The following KHSRP variants were observed in gnomAD, a reference collection of about 807,000 sequenced individuals.
KHSRP encodes far upstream element-binding protein 2.
Under a neutral mutation model 94.9 loss-of-function variants are expected in KHSRP, and 13 were observed. That is an observed-to-expected ratio of 0.14 (90% CI 0.09 to 0.22). KHSRP has a LOEUF of 0.22. KHSRP is among the 10% of genes least tolerant of loss of function. The pLI is 1.00. For missense variants in KHSRP, 710 were observed against 1,010.0 expected, an observed-to-expected ratio of 0.70 and a Z score of 4.03; for synonymous variants, 495 against 401.4, an observed-to-expected ratio of 1.23 and a Z score of -2.79.
intron 3 of KHSRP, 54 bp downstream of exon 3, chr19:6,421,596 G>A (rs560491200): frequency 6.3e-7 from 1 of 1,597,672 alleles, no homozygotes; most frequent in African/African-American, 1.3e-5. Flanking sequence ...CCTGACTCCT[G>A]AAAACCTCAA....
Position 6,415,162 on chromosome 19 carries a change from G to A in KHSRP, c.2106C>T (p.Pro702=). ...TTGCCTGCTGCTGTCCCTGCTGCGT[G>A]GGCGGCGGCTGGGGGCCGCCAGGAC... is the stretch of plus-strand genomic sequence containing the variant. ...TPGPGGPQPP[P]TQQGQQQASG... The change falls in exon 19 of 19, where the codon CCC becomes CCT. Residue 702 remains proline, a synonymous_variant. Transcript: ENST00000600480. The A allele has an allele frequency of 6.2e-7, 1 of 1,606,944 alleles. No individual in the cohort carries two copies. The highest frequency in any genetic ancestry group is 8.5e-7 in the Non-Finnish European group (1 of 1,179,046).
At position 6,418,136 on chromosome 19, in the gene KHSRP, C is replaced by G. The variant is rs570375141; in HGVS notation, c.880-57G>C. ...TGAGCCCTGCTGCCCCACACCCCCC[C>G]ACCTCCTCGGGGGTGCGGGCCTCAA... is the stretch of plus-strand genomic sequence containing the variant. On this transcript the variant is annotated intron_variant, in intron 9 of 18. Coordinates refer to ENST00000600480, the MANE Select transcript of KHSRP (RefSeq NM_001366299.1). The surrounding 1 kb of genome is among the most constrained non-coding windows in gnomAD (Gnocchi z 4.3). The G allele has an allele frequency of 1.8e-4, 267 of 1,495,564 alleles. 4 individuals carry two copies. The South Asian group carries it at 2.6e-3, about 15-fold the overall frequency. The allele number at this position is 1,495,564 out of a possible 1,614,324, so 92.6% of individuals were successfully genotyped here.
chr19:6,416,127 G>A (rs1269467566), intron 15 of KHSRP, among the ~76,000 whole-genome samples, 171 bp downstream of exon 15: 1 of 152,238 alleles, frequency 6.6e-6, no homozygotes. Context: ...GATGCTGAAA[G>A]GCACATGCTC....
At position 6,418,223 on chromosome 19, in the gene KHSRP, A is replaced by C; in HGVS notation, c.880-144T>G. On this transcript the variant is annotated intron_variant, in intron 9 of 18. Coordinates refer to ENST00000600480, the MANE Select transcript of KHSRP (RefSeq NM_001366299.1). This position sits in a 1 kb window ranked among gnomAD's most constrained non-coding sequence, Gnocchi z 4.3. ...CACCCTACTGAGCTCTCTACCTGCC[A>C]CTTTAATGGGGAGGCACTACCAGCA... 1 of 717,750 alleles carries C rather than the reference A, an allele frequency of 1.4e-6. No homozygotes were observed. Among genetic ancestry groups the C allele is most frequent in the Admixed American group, 2.4e-5 (1 of 41,256 alleles). 44.5% of individuals were successfully genotyped at this position (717,750 alleles called of 1,614,324 possible).
In KHSRP at chr19:6,424,433, C is replaced by T. The variant is rs575138685; in HGVS notation, c.249+20G>A. The T allele has an allele frequency of 8.1e-3, 7,985 of 989,654 alleles. 39 individuals carry two copies. The highest frequency in any genetic ancestry group is 9.0e-3 in the Non-Finnish European group (7,482 of 833,848). The allele number at this position is 989,654 out of a possible 1,614,324, so 61.3% of individuals were successfully genotyped here. A position where few individuals can be genotyped will look rare whatever the true frequency, so the allele number is the denominator to read the frequency against. ...TGCGCGCGCGCGCGAGCGCGCCCCTCAGGCCCTCGGCCTCCTCACCTGGCG... is the reference window on the plus strand; with the variant it reads ...TGCGCGCGCGCGCGAGCGCGCCCCTTAGGCCCTCGGCCTCCTCACCTGGCG... On this transcript the variant is annotated intron_variant, in intron 1 of 18. Transcript: ENST00000600480.
Position 6,414,787 on chromosome 19 carries a change from G to GT in KHSRP, c.*236dup. 2 of 1,147,280 alleles carry GT rather than the reference G, an allele frequency of 1.7e-6. No homozygotes were observed. The highest frequency in any genetic ancestry group is 2.1e-6 in the Non-Finnish European group (2 of 933,136). 71.1% of individuals were successfully genotyped at this position (1,147,280 alleles called of 1,614,324 possible). On this transcript the variant is annotated 3_prime_UTR_variant, in exon 19 of 19. Transcript: ENST00000600480. ...AAGTGGCCAGATTGTGAGCGAGGTG[G>GT]TGGCGGCCGGGCCGGTGCCCACCGT...
In KHSRP at chr19:6,413,319, G is replaced by A. The variant is rs931922819; in HGVS notation, c.*1705C>T. 6.7e-6 allele frequency: 2 copies of A among 297,310 alleles called. No individual in the cohort carries two copies. Among genetic ancestry groups the A allele is most frequent in the South Asian group, 2.5e-5 (1 of 40,388 alleles). 18.4% of individuals were successfully genotyped at this position (297,310 alleles called of 1,614,324 possible). ...AAAACTACAGGGAGGGAAGGAAAGG[G>A]GGGGAGACAGACAGCACCCGCAGAC... On this transcript the variant is annotated 3_prime_UTR_variant, in exon 19 of 19. Coordinates refer to ENST00000600480, the MANE Select transcript of KHSRP (RefSeq NM_001366299.1).
rs562012902 is a variant in KHSRP at position 6,421,064 on chromosome 19, G to A, written c.425+214C>T. 232 of 586,158 alleles carry A rather than the reference G, an allele frequency of 4.0e-4. No individual in the cohort carries two copies. In the African/African-American group the frequency reaches 4.0e-3, roughly 10 times the overall value. 36.3% of individuals were successfully genotyped at this position (586,158 alleles called of 1,614,324 possible). ...AGACCACCCTATCACTACAGTGACTGCCACGACGCTCCCCTCCCACAGCCC... is the reference window on the plus strand; with the variant it reads ...AGACCACCCTATCACTACAGTGACTACCACGACGCTCCCCTCCCACAGCCC... On this transcript the variant is annotated intron_variant, in intron 4 of 18. Coordinates refer to ENST00000600480, the MANE Select transcript of KHSRP (RefSeq NM_001366299.1).
chr19:6,422,956 A>T (rs2092204024), intron 1 of KHSRP, among the ~76,000 whole-genome samples: 2 of 152,196 alleles, frequency 1.3e-5, no homozygotes, highest in South Asian at 4.1e-4. Context: ...ACTTCAAGGG[A>T]TATGAAATCC....
chr19:6,414,405 C>A lies in KHSRP; in HGVS notation c.*619G>T. 1.6e-6 allele frequency: 2 copies of A among 1,288,602 alleles called. No homozygotes were observed. Among genetic ancestry groups the A allele is most frequent in the Non-Finnish European group, 9.8e-7 (1 of 1,016,984 alleles). The allele number at this position is 1,288,602 out of a possible 1,614,324, so 79.8% of individuals were successfully genotyped here. A position where few individuals can be genotyped will look rare whatever the true frequency, so the allele number is the denominator to read the frequency against. On this transcript the variant is annotated 3_prime_UTR_variant, in exon 19 of 19. Transcript: ENST00000600480. ...GCGCTAGGGTCGTAGGGGAGCTGCC[C>A]TGTCTCCGGAGGGCGGTGGCTCCCG...
rs371987891 is a variant in KHSRP, at chr19:6,416,864, G to A, written c.1201C>T (p.Pro401Ser). The A allele has an allele frequency of 2.5e-6, 4 of 1,607,704 alleles. No individual in the cohort carries two copies. Among genetic ancestry groups the A allele is most frequent in the Non-Finnish European group, 3.4e-6 (4 of 1,177,190 alleles). ...QSLRSGPPGP[P>S]GGPGMPPGGR... The stretch of plus-strand genomic sequence containing the variant: ...CCCGGGGGCATGCCTGGACCCCCTG[G>A]AGGACCTGGGGGACCACTCTGCAAG... The change falls in exon 13 of 19, where the codon CCA becomes TCA. Residue 401 changes from proline to serine, a missense_variant. Physicochemically the swap from Pro to Ser is moderately conservative, Grantham distance 74. This residue lies in a region of KHSRP where 288 missense variants were observed against 501.1 expected (regional missense o/e 0.57). Transcript: ENST00000600480.
At chr19:6,415,496 G>C (rs779905717) in intron 17 of KHSRP, 38 bp downstream of exon 17, 1 of 1,549,252 alleles carries the variant, frequency 6.5e-7, no homozygotes, top group Non-Finnish European at 8.7e-7. Flanking sequence ...CCACTCCCCC[G>C]GCAGGGCTGG....
In KHSRP at chr19:6,417,046, GC is replaced by G; in HGVS notation, c.1122del (p.Pro376GlnfsTer52). 6.2e-7 allele frequency: 1 copy of G among 1,613,338 alleles called. No individual in the cohort carries two copies. On this transcript the variant is annotated frameshift_variant, in exon 12 of 19. Coordinates refer to ENST00000600480, the MANE Select transcript of KHSRP (RefSeq NM_001366299.1). LOFTEE classifies it high-confidence loss of function. ...TGPEKIAHIM[G>X]PPDRCEHAAR... Reference sequence around the variant, plus strand: ...GCTGCGTGCTCGCACCTGTCTGGGGGCCCCATTATATGAGCAATCTTCTCGG... The same window carrying G: ...GCTGCGTGCTCGCACCTGTCTGGGGGCCCATTATATGAGCAATCTTCTCGG...
rs773038102 is a variant in KHSRP at position 6,414,990 on chromosome 19, G to A, written c.*34C>T. ...CCCTGGCGGTGCGTGGGGACTCCCG[G>A]AGACCTCCGGCCACACGGCCCCCGC... is the stretch of plus-strand genomic sequence containing the variant. On this transcript the variant is annotated 3_prime_UTR_variant, in exon 19 of 19. Coordinates refer to ENST00000600480, the MANE Select transcript of KHSRP (RefSeq NM_001366299.1). The A allele has an allele frequency of 1.7e-5, 25 of 1,443,680 alleles. No individual in the cohort carries two copies. The South Asian group carries it at 2.8e-4, about 16-fold the overall frequency. The allele number at this position is 1,443,680 out of a possible 1,614,324, so 89.4% of individuals were successfully genotyped here.
rs555102950 is a variant in KHSRP, at chr19:6,413,493, G to C, written c.*1531C>G. On this transcript the variant is annotated 3_prime_UTR_variant, in exon 19 of 19. Coordinates refer to ENST00000600480, the MANE Select transcript of KHSRP (RefSeq NM_001366299.1). Reference sequence around the variant, plus strand: ...AAAAGACAACAGACCAGTCCTGGGAGGGGGGACGGGCGGGGCCGCGGGAGC... The same window carrying C: ...AAAAGACAACAGACCAGTCCTGGGACGGGGGACGGGCGGGGCCGCGGGAGC... The C allele has an allele frequency of 2.5e-5, 9 of 359,110 alleles. 1 individual carries two copies. Among genetic ancestry groups the C allele is most frequent in the Non-Finnish European group, 4.0e-5 (7 of 175,380 alleles). 22.2% of individuals were successfully genotyped at this position (359,110 alleles called of 1,614,324 possible).
chr19:6,419,313 G>C, intron 6 of KHSRP, 53 bp from the exon 7 acceptor site: 2 of 1,493,514 alleles, frequency 1.3e-6, no homozygotes, highest in Non-Finnish European at 1.8e-6. Flanking sequence ...GCAGAGAAAG[G>C]CCTGCCTTGG....
intron 6 of KHSRP, 71 bp downstream of exon 6, chr19:6,420,002 A>C (rs2092185533): frequency 8.6e-7 from 1 of 1,164,918 alleles, no homozygotes; most frequent in Admixed American, 1.9e-5. Context: ...CGTGGAAATT[A>C]AGTAATTAAA....
rs535552751 is a variant in KHSRP at position 6,421,407 on chromosome 19, G to A, written c.386-90C>T. On this transcript the variant is annotated intron_variant, in intron 3 of 18. Coordinates refer to ENST00000600480, the MANE Select transcript of KHSRP (RefSeq NM_001366299.1). ...CCCCGGGTCAGTGGGAGCTGAGCCC[G>A]GCACCACGGTCCCCAGCCTGCTCCA... 117 of 1,352,790 alleles carry A rather than the reference G, an allele frequency of 8.6e-5. No individual in the cohort carries two copies. In the Middle Eastern group the frequency reaches 8.9e-4, roughly 10 times the overall value. The allele number at this position is 1,352,790 out of a possible 1,614,324, so 83.8% of individuals were successfully genotyped here.
In KHSRP at chr19:6,418,818, G is replaced by C. The variant is rs1298413079; in HGVS notation, c.664C>G (p.Gln222Glu). 6.4e-7 allele frequency: 1 copy of C among 1,570,338 alleles called. No individual in the cohort carries two copies. The highest frequency in any genetic ancestry group is 2.1e-5 in the Admixed American group (1 of 47,458). ...CCCCCGTTGGCGTTGTCGTGGAACT[G>C]TCCTGGGGGGCCCCCACGACCCCGA... ...VSRGRGGPPG[Q>E]FHDNANGGQN... is the part of the protein sequence containing the mutation. The change falls in exon 8 of 19, where the codon CAG becomes GAG. Residue 222 changes from glutamine (Q) to glutamate (E), a missense_variant. Coordinates refer to ENST00000600480, the MANE Select transcript of KHSRP (RefSeq NM_001366299.1). This position sits in a 1 kb window ranked among gnomAD's most constrained non-coding sequence, Gnocchi z 4.3.
Sources: gnomAD v4.1 joint callset for allele counts (sites outside exome capture counted in the v4.1 genomes callset) on GRCh38, gnomAD v4.1.1 for gene constraint, gnomAD v4.1.1 regional missense constraint, Gnocchi (gnomAD v3.1) non-coding constraint, MANE v1.5 for transcripts, NCBI Gene and HGNC (gene_info 2026-07-23, HGNC 2026-07-21) for gene names.